Variants in CCDC85A observed in about 807,000 individuals in gnomAD.
CCDC85A encodes coiled-coil domain-containing protein 85A.
Under a neutral mutation model 50.2 loss-of-function variants are expected in CCDC85A, and 38 were observed. The observed-to-expected ratio is 0.76, with a 90% CI of 0.58 to 0.99. The LOEUF (loss-of-function observed/expected upper bound fraction) is 0.99, where lower values mean the gene tolerates loss of function less well. Among genes scored for constraint, CCDC85A ranks in the 50% least tolerant of loss-of-function variants. The probability of loss-of-function intolerance (pLI) is 0.00; values close to 1 mark genes in which losing one functional copy is unlikely to be tolerated. For synonymous variants in CCDC85A, 366 were observed against 301.4 expected, an observed-to-expected ratio of 1.21 and a Z score of -2.22; for missense variants, 820 against 742.0, an observed-to-expected ratio of 1.11 and a Z score of -1.22.
intron 2 of CCDC85A, among the ~76,000 whole-genome samples, chr2:56,270,412 A>C (rs531945588): frequency 6.6e-6 from 1 of 152,326 alleles, no homozygotes; most frequent in Non-Finnish European, 1.5e-5. Context: ...TTCAAAGAAA[A>C]TGTGATCATA....
At chr2:56,275,699 G>C (rs1670902438) in intron 2 of CCDC85A, among the ~76,000 whole-genome samples, 1 of 152,108 alleles carries the variant, frequency 6.6e-6, no homozygotes, top group Non-Finnish European at 1.5e-5. Flanking sequence ...ACTGTCTGAT[G>C]TAATATTTTG....
intron 2 of CCDC85A, among the ~76,000 whole-genome samples, chr2:56,199,160 A>G (rs1676638181): frequency 6.6e-6 from 1 of 152,226 alleles, no homozygotes; most frequent in African/African-American, 2.4e-5. Flanking sequence ...AGCTATGGTG[A>G]GTTATTCCAT....
At chr2:56,279,413 T>A (rs1359029298) in intron 2 of CCDC85A, among the ~76,000 whole-genome samples, 1 of 152,136 alleles carries the variant, frequency 6.6e-6, no homozygotes, top group Non-Finnish European at 1.5e-5. Context: ...TAGTCATTCC[T>A]TATTTCTCCC....
At chr2:56,198,862 A>G (rs977398438) in intron 2 of CCDC85A, among the ~76,000 whole-genome samples, 1 of 152,262 alleles carries the variant, frequency 6.6e-6, no homozygotes, top group African/African-American at 2.4e-5. Flanking sequence ...GCGTCTGCAC[A>G]ATGCCAAACA....
chr2:56,293,540 C>T (rs1240727790), intron 2 of CCDC85A, among the ~76,000 whole-genome samples: 1 of 151,644 alleles, frequency 6.6e-6, no homozygotes, highest in Non-Finnish European at 1.5e-5. Flanking sequence ...AGTGAACAGG[C>T]AACCTACAGA....
At chr2:56,216,981 T>C (rs574376465) in intron 2 of CCDC85A, among the ~76,000 whole-genome samples, 2 of 152,054 alleles carry the variant, frequency 1.3e-5, no homozygotes, top group South Asian at 4.1e-4. Flanking sequence ...TGGGTTTGTG[T>C]TGCCTTAGCA....
At chr2:56,216,584 A>G (rs148371131) in intron 2 of CCDC85A, among the ~76,000 whole-genome samples, 2 of 151,710 alleles carry the variant, frequency 1.3e-5, no homozygotes, top group African/African-American at 2.4e-5. Flanking sequence ...TTAACCTCCC[A>G]TATTGATGAC....
chr2:56,368,737 T>G, intron 3 of CCDC85A, among the ~76,000 whole-genome samples: 1 of 152,058 alleles, frequency 6.6e-6, no homozygotes. Context: ...GAGAAACTAT[T>G]TTATGTAACA....
chr2:56,323,269 T>C (rs1369778876), intron 2 of CCDC85A, among the ~76,000 whole-genome samples: 8 of 152,102 alleles, frequency 5.3e-5, no homozygotes, highest in Non-Finnish European at 1.2e-4. Flanking sequence ...TTTGTGCACA[T>C]GTGCTCTAGA....
chr2:56,189,621 A>G (rs1676212265), intron 1 of CCDC85A, among the ~76,000 whole-genome samples: 3 of 151,862 alleles, frequency 2.0e-5, no homozygotes, highest in African/African-American at 7.3e-5. Flanking sequence ...TTAAATTTCA[A>G]CTTTTATTTT....
chr2:56,293,742 A>G (rs1671825400), intron 2 of CCDC85A, among the ~76,000 whole-genome samples: 1 of 152,254 alleles, frequency 6.6e-6, no homozygotes, highest in Non-Finnish European at 1.5e-5. Flanking sequence ...ATTCAAATCA[A>G]AACCACAATG....
At chr2:56,370,338 T>G (rs1378181466) in intron 3 of CCDC85A, among the ~76,000 whole-genome samples, 1 of 152,034 alleles carries the variant, frequency 6.6e-6, no homozygotes, top group Non-Finnish European at 1.5e-5. Flanking sequence ...TAAATACCAT[T>G]TTGATGTAGT....
intron 3 of CCDC85A, among the ~76,000 whole-genome samples, chr2:56,350,420 A>C (rs2104341933): frequency 6.6e-6 from 1 of 152,288 alleles, no homozygotes; most frequent in Middle Eastern, 3.4e-3. Flanking sequence ...AAAATACAAA[A>C]ATTAGCAGGG....
chr2:56,194,831 A>G (rs1183981808), intron 2 of CCDC85A, among the ~76,000 whole-genome samples: 2 of 151,498 alleles, frequency 1.3e-5, no homozygotes, highest in Non-Finnish European at 2.9e-5. Context: ...ACCTTCACTC[A>G]CTCTTCCCAA....
intron 2 of CCDC85A, among the ~76,000 whole-genome samples, chr2:56,251,207 C>A (rs191423846): frequency 2.6e-5 from 4 of 152,186 alleles, no homozygotes; most frequent in African/African-American, 9.7e-5. Context: ...CTTAAGGCAG[C>A]CCTGTGTTGA....
At chr2:56,249,560 A>C (rs997502177) in intron 2 of CCDC85A, among the ~76,000 whole-genome samples, 2 of 152,250 alleles carry the variant, frequency 1.3e-5, no homozygotes, top group African/African-American at 4.8e-5. Context: ...GTCATTGGTC[A>C]GCAGCTTTAT....
At chr2:56,314,071 G>A (rs1672813227) in intron 2 of CCDC85A, among the ~76,000 whole-genome samples, 1 of 148,696 alleles carries the variant, frequency 6.7e-6, no homozygotes, top group African/African-American at 2.5e-5. Flanking sequence ...TGAGCTAGGA[G>A]TTGAGATTGG....
chr2:56,265,628 C>T (rs922432646), intron 2 of CCDC85A, among the ~76,000 whole-genome samples: 3 of 151,910 alleles, frequency 2.0e-5, no homozygotes, highest in Non-Finnish European at 2.9e-5. Flanking sequence ...TGGCTATTAT[C>T]GAAAAGATGA....
chr2:56,205,670 T>C (rs1676930381), intron 2 of CCDC85A, among the ~76,000 whole-genome samples: 1 of 152,182 alleles, frequency 6.6e-6, no homozygotes, highest in African/African-American at 2.4e-5. Flanking sequence ...ATGTTCGTAT[T>C]TCATTTGCTT....
Sources: gnomAD v4.1 joint callset for allele counts (sites outside exome capture counted in the v4.1 genomes callset) on GRCh38, gnomAD v4.1.1 for gene constraint, MANE v1.5 for transcripts, NCBI Gene and HGNC (gene_info 2026-07-23, HGNC 2026-07-21) for gene names.